The following COL27A1 variants were observed in gnomAD, a reference collection of about 807,000 sequenced individuals.
COL27A1 encodes collagen alpha-1(XXVII) chain.
In COL27A1, 106 loss-of-function variants were observed where a neutral mutation model predicts 251.3. The ratio of observed to expected loss-of-function variants is 0.42; its 90% CI spans 0.36 to 0.50. The LOEUF is 0.50. Ranked by LOEUF, COL27A1 falls within the 20% of genes least tolerant of loss-of-function variation. COL27A1 has a pLI of 0.00. For synonymous variants in COL27A1, 1,000 were observed against 986.3 expected (o/e 1.01, Z -0.26); for missense variants, 2,325 against 2,522.8 (o/e 0.92, Z 1.68).
intron 13 of COL27A1, among the ~76,000 whole-genome samples, chr9:114,220,731 C>T (rs1054916379): frequency 1.3e-5 from 2 of 152,190 alleles, no homozygotes; most frequent in South Asian, 2.1e-4. Flanking sequence ...CAGTGGCTCA[C>T]GTCTGTAATC....
chr9:114,158,490 T>C (rs995138955), intron 1 of COL27A1, among the ~76,000 whole-genome samples: 4 of 152,346 alleles, frequency 2.6e-5, no homozygotes, highest in Admixed American at 2.6e-4. Flanking sequence ...TTCCATGTGA[T>C]GTTTCCTCGC....
chr9:114,216,252 T>C (rs1179979326), intron 12 of COL27A1, among the ~76,000 whole-genome samples: 1 of 152,252 alleles, frequency 6.6e-6, no homozygotes, highest in Non-Finnish European at 1.5e-5. Context: ...AGAAACCACG[T>C]GGCTGGGGCC....
intron 48 of COL27A1, among the ~76,000 whole-genome samples, 157 bp from the exon 49 acceptor site, chr9:114,291,946 C>A (rs975893017): frequency 1.3e-5 from 2 of 152,024 alleles, no homozygotes; most frequent in Admixed American, 1.3e-4. Flanking sequence ...AGTCTTGTCA[C>A]CCCTACCCCA....
chr9:114,257,727 A>C (rs560172709), intron 27 of COL27A1, among the ~76,000 whole-genome samples: 2 of 151,726 alleles, frequency 1.3e-5, no homozygotes. Context: ...CCGCCTCCCA[A>C]GCTCACCCCA....
chr9:114,229,348 T>A (rs1831757181), intron 14 of COL27A1, among the ~76,000 whole-genome samples: 2 of 152,184 alleles, frequency 1.3e-5, no homozygotes, highest in Non-Finnish European at 2.9e-5. Flanking sequence ...CGTCTGTCTG[T>A]CTGTCTCTCT....
chr9:114,269,919 C>T (rs531764757), intron 35 of COL27A1, among the ~76,000 whole-genome samples: 17 of 152,310 alleles, frequency 1.1e-4, no homozygotes, highest in Middle Eastern at 3.4e-3. Flanking sequence ...GCGATGAATT[C>T]TAAAAGCAGA....
chr9:114,209,492 C>A (rs1445598669), intron 10 of COL27A1, 183 bp from the exon 11 acceptor site: 3 of 780,000 alleles, frequency 3.8e-6, no homozygotes, highest in Non-Finnish European at 7.2e-6. Flanking sequence ...ACCATGCAGT[C>A]CATGGGCATA....
intron 7 of COL27A1, 31 bp from the exon 8 acceptor site, chr9:114,205,071 T>A (rs376942662): frequency 1.2e-6 from 2 of 1,612,670 alleles, no homozygotes; most frequent in Non-Finnish European, 1.7e-6. Flanking sequence ...GTGTCCTCCC[T>A]GCCTGATGCA....
Position 114,300,667 on chromosome 9 carries a change from C to A in COL27A1, c.4681C>A (p.Arg1561=). 6.6e-7 allele frequency: 1 copy of A among 1,514,792 alleles called. No homozygotes were observed. The highest frequency in any genetic ancestry group is 1.8e-4 in the Middle Eastern group (1 of 5,628). 93.8% of individuals were successfully genotyped at this position (1,514,792 alleles called of 1,614,324 possible). A position where few individuals can be genotyped will look rare whatever the true frequency, so the allele number is the denominator to read the frequency against. ...DIGFKGIQGP[R]GPPGLMGKEG... ...TGGCTTCAAAGGCATCCAGGGCCCT[C>A]GGGGGCCACCTGGCTTGATGGTGAG... Residue 1561 remains arginine (R), a synonymous_variant, in exon 51 of 61, where the codon CGG becomes AGG. Transcript: ENST00000356083.
intron 1 of COL27A1, among the ~76,000 whole-genome samples, chr9:114,157,163 G>A (rs1225706633): frequency 1.3e-5 from 2 of 151,478 alleles, no homozygotes; most frequent in African/African-American, 2.4e-5. Context: ...AAGACCCTGC[G>A]CCAGGGTAGA....
rs750316432 is a variant in COL27A1 at position 114,282,352 on chromosome 9, G to C, written c.3771+22G>C. ...CAAGGTAGGTGTCCCCTTCTGACTT[G>C]ATAGGCCTGCGTCCCTCCCCCGCAT... is the stretch of plus-strand genomic sequence containing the variant. On this transcript the variant is annotated intron_variant, in intron 38 of 60. Coordinates refer to ENST00000356083, the MANE Select transcript of COL27A1 (RefSeq NM_032888.4). 6 of 1,613,880 alleles carry C rather than the reference G, an allele frequency of 3.7e-6. No homozygotes were observed. In the South Asian group the frequency reaches 5.5e-5, roughly 15 times the overall value.
chr9:114,263,724 G>A (rs117965295), intron 28 of COL27A1, among the ~76,000 whole-genome samples: 1 of 152,120 alleles, frequency 6.6e-6, no homozygotes, highest in African/African-American at 2.4e-5. Context: ...CTGTGTCAGG[G>A]GTCAGGCCTG....
intron 19 of COL27A1, 74 bp from the exon 20 acceptor site, chr9:114,240,146 T>G: frequency 1.5e-6 from 2 of 1,337,114 alleles, no homozygotes; most frequent in Non-Finnish European, 2.2e-6. Context: ...CCGGTCAGTC[T>G]CCCTGCAAGA....
chr9:114,207,410 A>G (rs1336908629), intron 10 of COL27A1, among the ~76,000 whole-genome samples: 1 of 152,108 alleles, frequency 6.6e-6, no homozygotes, highest in African/African-American at 2.4e-5. Flanking sequence ...TGCTGCTCCC[A>G]TGGGCCATTC....
At chr9:114,260,269 G>A (rs535243076) in intron 28 of COL27A1, among the ~76,000 whole-genome samples, 31 of 152,312 alleles carry the variant, frequency 2.0e-4, no homozygotes, top group South Asian at 8.3e-4. Flanking sequence ...AGTGTCTCCC[G>A]GGCTGGGAGG....
intron 16 of COL27A1, 111 bp from the exon 17 acceptor site, chr9:114,235,488 C>CGACTTGGGAAACA (rs1307318396): frequency 7.1e-6 from 6 of 850,304 alleles, no homozygotes; most frequent in Non-Finnish European, 1.2e-5. Flanking sequence ...TGGCCGGATC[C>CGACTTGGGAAACA]GACTTGGGAA....
At chr9:114,236,487 C>T (rs1328908006) in intron 17 of COL27A1, among the ~76,000 whole-genome samples, 2 of 152,226 alleles carry the variant, frequency 1.3e-5, no homozygotes, top group African/African-American at 4.8e-5. Context: ...CCTGCTGAGA[C>T]TGGCTCCCCT....
At chr9:114,202,593 A>T (rs1005821246) in intron 7 of COL27A1, among the ~76,000 whole-genome samples, 13 of 152,140 alleles carry the variant, frequency 8.5e-5, no homozygotes, top group Admixed American at 8.5e-4. Flanking sequence ...TTTGCATCAT[A>T]TCACCGCCAG....
intron 34 of COL27A1, 88 bp downstream of exon 34, chr9:114,267,645 C>T: frequency 1.6e-6 from 2 of 1,243,928 alleles, no homozygotes; most frequent in Non-Finnish European, 2.3e-6. Context: ...GAGAAATGGG[C>T]CTTTCTTGTG....
Sources: allele counts gnomAD v4.1 joint callset (sites outside exome capture counted in the v4.1 genomes callset), GRCh38; gene constraint gnomAD v4.1.1; transcripts MANE v1.5; gene names NCBI Gene and HGNC (gene_info 2026-07-23, HGNC 2026-07-21).